Variants in ERP44 observed in about 807,000 individuals in gnomAD.
ERP44 encodes endoplasmic reticulum resident protein 44.
In ERP44, 25 loss-of-function variants were observed where a neutral mutation model predicts 53.4. The ratio of observed to expected loss-of-function variants is 0.47; its 90% CI spans 0.34 to 0.65. The LOEUF is 0.65. Among genes scored for constraint, ERP44 ranks in the 30% least tolerant of loss-of-function variants. The pLI is 0.01. For missense variants in ERP44, 338 were observed against 493.2 expected (o/e 0.69, Z 2.98); for synonymous variants, 145 against 161.2 (o/e 0.90, Z 0.76).
intron 1 of ERP44, among the ~76,000 whole-genome samples, chr9:100,067,734 C>G (rs552655785): frequency 0.011 from 1,660 of 151,280 alleles, 11 homozygotes; most frequent in Non-Finnish European, 0.017. Context: ...GCCATCCCAT[C>G]TAGGAAGTGA....
At chr9:99,989,287 C>T (rs1023657501) in intron 10 of ERP44, among the ~76,000 whole-genome samples, 8 of 152,156 alleles carry the variant, frequency 5.3e-5, no homozygotes, top group Admixed American at 1.3e-4. Flanking sequence ...CAGTAGGAGC[C>T]GACTGACACC....
intron 4 of ERP44, among the ~76,000 whole-genome samples, chr9:100,027,500 C>A (rs138253675): frequency 0.019 from 2,866 of 151,948 alleles, 45 homozygotes; most frequent in Non-Finnish European, 0.029. Flanking sequence ...GAATGTGACA[C>A]TTTGACAATA....
At chr9:100,040,704 A>C (rs781614201) in intron 4 of ERP44, among the ~76,000 whole-genome samples, 9 of 152,352 alleles carry the variant, frequency 5.9e-5, no homozygotes, top group Non-Finnish European at 1.3e-4. Flanking sequence ...CAAATTAGAA[A>C]GGAAAAAGTC....
intron 4 of ERP44, among the ~76,000 whole-genome samples, chr9:100,037,320 C>T (rs542051782): frequency 1.4e-4 from 22 of 152,304 alleles, no homozygotes; most frequent in South Asian, 1.0e-3. Context: ...AATCACCCAT[C>T]TCAGCAGTCA....
At chr9:100,085,455 T>C (rs1826469464) in intron 1 of ERP44, among the ~76,000 whole-genome samples, 1 of 152,208 alleles carries the variant, frequency 6.6e-6, no homozygotes, top group Admixed American at 6.5e-5. Context: ...GGGCCAAAAC[T>C]TACTAAAAGT....
In ERP44 at chr9:100,008,138, T is replaced by G. The variant is rs79708705; in HGVS notation, c.763-449A>C. On this transcript the variant is annotated intron_variant, in intron 8 of 11. Coordinates refer to ENST00000262455, the MANE Select transcript of ERP44 (RefSeq NM_015051.3). ...CAATAAATAAATCTGATTTGCAAAA[T>G]TTTTTGTATTTTTTTATATTCTAAG... 1.2e-3 allele frequency among the ~76,000 whole-genome samples: 182 copies of G among 152,290 alleles called. 3 individuals are homozygous for G. In the East Asian group the frequency reaches 0.019, roughly 16 times the overall value.
At chr9:100,011,980 G>A (rs1830480783) in intron 8 of ERP44, among the ~76,000 whole-genome samples, 1 of 152,030 alleles carries the variant, frequency 6.6e-6, no homozygotes, top group Admixed American at 6.6e-5. Context: ...GTGTCATGTA[G>A]GTGCTCAAAA....
At chr9:99,990,169 C>T (rs1239117313) in intron 10 of ERP44, among the ~76,000 whole-genome samples, 1 of 152,140 alleles carries the variant, frequency 6.6e-6, no homozygotes, top group East Asian at 1.9e-4. Flanking sequence ...ATACAGAGAA[C>T]ACCACAAAGA....
At position 99,994,028 on chromosome 9, in the gene ERP44, A is replaced by G. The variant is rs184613061; in HGVS notation, c.1017-8959T>C. On this transcript the variant is annotated intron_variant, in intron 10 of 11. Transcript: ENST00000262455. ...CAGGTGCTGGAGAGGATGTGGAGAA[A>G]TAGGAACGCTTTTACACTGTTGGTG... Among the ~76,000 whole-genome samples, 7 of 152,354 alleles carry G rather than the reference A, an allele frequency of 4.6e-5. No homozygotes were observed. In the East Asian group the frequency reaches 1.3e-3, roughly 29 times the overall value.
At chr9:100,063,706 G>C (rs1826180552) in intron 1 of ERP44, among the ~76,000 whole-genome samples, 1 of 152,192 alleles carries the variant, frequency 6.6e-6, no homozygotes, top group Non-Finnish European at 1.5e-5. Flanking sequence ...AGTCTCTAAT[G>C]ATGAAATATT....
chr9:99,983,026 G>A (rs2118594160), intron 11 of ERP44, among the ~76,000 whole-genome samples: 1 of 152,272 alleles, frequency 6.6e-6, no homozygotes, highest in African/African-American at 2.4e-5. Flanking sequence ...AGTCGACAGA[G>A]ACAGCACAAC....
intron 10 of ERP44, among the ~76,000 whole-genome samples, chr9:100,005,898 T>C (rs1411012652): frequency 6.6e-6 from 1 of 152,236 alleles, no homozygotes; most frequent in Non-Finnish European, 1.5e-5. Context: ...TTTTAACCAC[T>C]GTATTTAACA....
intron 10 of ERP44, among the ~76,000 whole-genome samples, chr9:100,001,874 T>C (rs912482340): frequency 2.6e-5 from 4 of 152,178 alleles, no homozygotes; most frequent in Non-Finnish European, 5.9e-5. Flanking sequence ...ACTGGTTGTT[T>C]TGTAGATCCT....
chr9:100,008,049 G>C (rs1830437870), intron 8 of ERP44, among the ~76,000 whole-genome samples: 1 of 152,198 alleles, frequency 6.6e-6, no homozygotes, highest in African/African-American at 2.4e-5. Context: ...GTTAATTTTA[G>C]AGTGGGGTAA....
chr9:100,092,100 C>T (rs1156969126), intron 1 of ERP44, among the ~76,000 whole-genome samples: 2 of 152,172 alleles, frequency 1.3e-5, no homozygotes, highest in African/African-American at 2.4e-5. Context: ...AAAATAATAA[C>T]AAAGATACAG....
chr9:100,044,405 A>G (rs917175708), intron 4 of ERP44, among the ~76,000 whole-genome samples: 1 of 152,122 alleles, frequency 6.6e-6, no homozygotes, highest in Non-Finnish European at 1.5e-5. Flanking sequence ...CTAGAATATT[A>G]AATGAAATTC....
intron 1 of ERP44, among the ~76,000 whole-genome samples, chr9:100,068,335 G>A (rs1826251887): frequency 7.2e-6 from 1 of 138,168 alleles, no homozygotes; most frequent in Non-Finnish European, 1.5e-5. Context: ...GGGAGGTGGG[G>A]GGGTCAGCCC....
chr9:100,062,503 T>C (rs547587234), intron 1 of ERP44, among the ~76,000 whole-genome samples: 63 of 150,862 alleles, frequency 4.2e-4, no homozygotes, highest in Middle Eastern at 3.2e-3. Flanking sequence ...AATATTATCA[T>C]AGAACAATGA....
chr9:100,007,334 C>G (rs1564088384), intron 9 of ERP44, among the ~76,000 whole-genome samples: 1 of 152,210 alleles, frequency 6.6e-6, no homozygotes, highest in Non-Finnish European at 1.5e-5. Flanking sequence ...CATGACCCTG[C>G]TTTTCATGCA....
Sources: allele counts gnomAD v4.1 joint callset (sites outside exome capture counted in the v4.1 genomes callset), GRCh38; gene constraint gnomAD v4.1.1; transcripts MANE v1.5; gene names NCBI Gene and HGNC (gene_info 2026-07-23, HGNC 2026-07-21).